FAM222B: variants seen among roughly 807,000 people sequenced by gnomAD.
The protein encoded by FAM222B is family with sequence similarity 222 member B, also known as protein FAM222B.
FAM222B carries 12 observed loss-of-function variants against 38.0 expected under a neutral mutation model. That is an observed-to-expected ratio of 0.32 (90% CI 0.20 to 0.51). The LOEUF (loss-of-function observed/expected upper bound fraction) is 0.51, where lower values mean the gene tolerates loss of function less well. FAM222B is among the 20% of genes least tolerant of loss of function. FAM222B has a pLI of 0.97. For synonymous variants in FAM222B, 329 were observed against 317.2 expected (o/e 1.04, Z -0.40); for missense variants, 716 against 754.2 (o/e 0.95, Z 0.59).
At position 28,830,310 on chromosome 17, in the gene FAM222B, C is replaced by T. The variant is rs571109098; in HGVS notation, c.-41+12372G>A. ...CCAAGCAGCTGGGACTACAGGTGCC[C>T]GCAACCACGCCTGGCTAATTCTTTG... On this transcript the variant is annotated intron_variant, in intron 1 of 2. Transcript: ENST00000581407. Among the ~76,000 whole-genome samples the T allele has an allele frequency of 2.0e-5, 3 of 151,724 alleles. No individual in the cohort carries two copies. The East Asian group carries it at 5.8e-4, about 29-fold the overall frequency.
chr17:28,827,618 T>G (rs1048141709), intron 1 of FAM222B, among the ~76,000 whole-genome samples: 1 of 152,198 alleles, frequency 6.6e-6, no homozygotes, highest in African/African-American at 2.4e-5. Context: ...CAGAAGAAAT[T>G]AACTATGAGC....
At chr17:28,820,848 G>A (rs1353889796) in intron 1 of FAM222B, among the ~76,000 whole-genome samples, 1 of 151,938 alleles carries the variant, frequency 6.6e-6, no homozygotes, top group African/African-American at 2.4e-5. Context: ...ATGTTGGCCA[G>A]GCTGGTTTCA....
At position 28,759,155 on chromosome 17, in the gene FAM222B, G is replaced by A. The variant is rs543204022; in HGVS notation, c.804C>T (p.Ile268=). Residue 268 remains isoleucine (I), a synonymous_variant, in exon 3 of 3, where the codon ATC becomes ATT. Transcript: ENST00000581407. This position sits in a 1 kb window ranked among gnomAD's most constrained non-coding sequence, Gnocchi z 4.8. Reference sequence around the variant, plus strand: ...GGCAAAACTGGTTGATCTGGTGCACGATGCTACTCAGGTCCGGAGGCTGGC... The same window carrying A: ...GGCAAAACTGGTTGATCTGGTGCACAATGCTACTCAGGTCCGGAGGCTGGC... The part of the protein sequence containing the change: ...QHSQPPDLSS[I]VHQINQFCQT... 1.9e-5 allele frequency: 31 copies of A among 1,612,664 alleles called. No individual in the cohort carries two copies. Among genetic ancestry groups the A allele is most frequent in the Admixed American group, 1.2e-4 (7 of 59,752 alleles).
upstream of FAM222B, among the ~76,000 whole-genome samples, chr17:28,844,652 C>T (rs1298181445): frequency 6.6e-6 from 1 of 151,810 alleles, no homozygotes; most frequent in Non-Finnish European, 1.5e-5. Flanking sequence ...AGCGAGACTC[C>T]GTCTCAAAAG....
chr17:28,851,232 TCAAGACCAGCCTGGGC>T (rs539226991), intron 1 of FAM222B, among the ~76,000 whole-genome samples: 5 of 151,270 alleles, frequency 3.3e-5, no homozygotes, highest in South Asian at 4.2e-4. Flanking sequence ...GCCCAGGAGT[TCAAGACCAGCCTGGGC>T]CAAGCCAGGC....
In FAM222B at chr17:28,851,050, T is replaced by A. The variant is rs538207076; in HGVS notation, c.-41+3900A>T. Reference sequence around the variant, plus strand: ...AGAAGAATTGCTTGAACCCAGGAGGTGGAGGTTGCAGTGAGCTGAGATCGC... The same window carrying A: ...AGAAGAATTGCTTGAACCCAGGAGGAGGAGGTTGCAGTGAGCTGAGATCGC... On this transcript the variant is annotated intron_variant, in intron 1 of 2. Coordinates refer to the FAM222B transcript ENST00000577513. 4.1e-4 allele frequency among the ~76,000 whole-genome samples: 62 copies of A among 150,872 alleles called. 1 individual carries two copies. The highest frequency in any genetic ancestry group is 5.9e-4 in the Non-Finnish European group (40 of 67,698).
In FAM222B at chr17:28,784,457, A is replaced by G. The variant is rs1386094620; in HGVS notation, c.-40-17750T>C. ...CACCTGTGAATATCCACTGTACTCCAGCCTGGGCAACAACAGAGTAAGATC... is the reference window on the plus strand; with the variant it reads ...CACCTGTGAATATCCACTGTACTCCGGCCTGGGCAACAACAGAGTAAGATC... On this transcript the variant is annotated intron_variant, in intron 1 of 2. Coordinates refer to ENST00000581407, the MANE Select transcript of FAM222B (RefSeq NM_001077498.3). Among the ~76,000 whole-genome samples, 3 of 130,332 alleles carry G rather than the reference A, an allele frequency of 2.3e-5. No individual in the cohort carries two copies. In the Admixed American group the frequency reaches 2.7e-4, roughly 12 times the overall value. 85.5% of individuals were successfully genotyped at this position (130,332 alleles called of 152,430 possible). A position where few individuals can be genotyped will look rare whatever the true frequency, so the allele number is the denominator to read the frequency against.
intron 1 of FAM222B, among the ~76,000 whole-genome samples, chr17:28,772,624 C>T (rs947818650): frequency 6.6e-6 from 1 of 151,212 alleles, no homozygotes; most frequent in Non-Finnish European, 1.5e-5. Context: ...GGGCCACACG[C>T]GGTGGCTCAT....
intron 1 of FAM222B, among the ~76,000 whole-genome samples, chr17:28,821,265 A>T (rs2038209903): frequency 6.6e-6 from 1 of 152,104 alleles, no homozygotes; most frequent in African/African-American, 2.4e-5. Context: ...AACTCTAATA[A>T]TATGAACATT....
intron 1 of FAM222B, among the ~76,000 whole-genome samples, chr17:28,781,172 C>A (rs1453357910): frequency 1.3e-5 from 2 of 152,036 alleles, no homozygotes. Flanking sequence ...GTGGCTCACA[C>A]CTGTAGTCCC....
At chr17:28,789,237 C>T (rs970198225) in intron 1 of FAM222B, among the ~76,000 whole-genome samples, 1 of 148,408 alleles carries the variant, frequency 6.7e-6, no homozygotes, top group Admixed American at 6.8e-5. Context: ...CGCTCTGTTA[C>T]GCAGGCTGGA....
chr17:28,759,228 A>G lies in FAM222B; in HGVS notation c.731T>C (p.Val244Ala). ...TGAAAGGGGGATAGTTGAGGTAGAC[A>G]CGGTCACATTCGGGGGGGCATCTGA... The part of the protein sequence containing the change: ...PDSDAPPNVT[V>A]STSTIPLSMA... The change falls in exon 3 of 3, where the codon GTG (valine) becomes GCG (alanine). Residue 244 changes from valine (V) to alanine (A), a missense_variant. Transcript: ENST00000581407. This position sits in a 1 kb window ranked among gnomAD's most constrained non-coding sequence, Gnocchi z 4.8. 6.2e-7 allele frequency: 1 copy of G among 1,613,664 alleles called. No homozygotes were observed. The highest frequency in any genetic ancestry group is 8.5e-7 in the Non-Finnish European group (1 of 1,179,810).
intron 1 of FAM222B, among the ~76,000 whole-genome samples, chr17:28,826,042 G>A (rs984391097): frequency 6.6e-6 from 1 of 151,362 alleles, no homozygotes; most frequent in Non-Finnish European, 1.5e-5. Flanking sequence ...CCAAAGTGCT[G>A]GGATTACCGT....
chr17:28,823,865 C>T (rs1166671640), intron 1 of FAM222B, among the ~76,000 whole-genome samples: 3 of 151,242 alleles, frequency 2.0e-5, no homozygotes, highest in African/African-American at 7.3e-5. Flanking sequence ...CTTGGCAGGA[C>T]CAAAAGAGAA....
chr17:28,795,229 G>A lies in FAM222B; in HGVS notation c.-40-28522C>T, dbSNP rs372426628. 3.6e-4 allele frequency among the ~76,000 whole-genome samples: 55 copies of A among 152,078 alleles called. 1 individual carries two copies. Among genetic ancestry groups the A allele is most frequent in the African/African-American group, 1.2e-3 (49 of 41,488 alleles). ...GTACAGTGATGGGATCTCATATCAC[G>A]GCAACCTCCACTTCAAGCGATTCTC... On this transcript the variant is annotated intron_variant, in intron 1 of 2. Coordinates refer to ENST00000581407, the MANE Select transcript of FAM222B (RefSeq NM_001077498.3).
At position 28,827,516 on chromosome 17, in the gene FAM222B, A is replaced by G. The variant is rs542121564; in HGVS notation, c.-41+15166T>C. ...TGTCATTTAAACAATGTAAAAAATA[A>G]TAATAAAGGTAATGTTAGCAGGATA... is the stretch of plus-strand genomic sequence containing the variant. On this transcript the variant is annotated intron_variant, in intron 1 of 2. Coordinates refer to ENST00000581407, the MANE Select transcript of FAM222B (RefSeq NM_001077498.3). 3.3e-5 allele frequency among the ~76,000 whole-genome samples: 5 copies of G among 152,334 alleles called. 1 individual carries two copies. The South Asian group carries it at 1.0e-3, about 32-fold the overall frequency.
At chr17:28,826,447 G>A (rs1054335314) in intron 1 of FAM222B, among the ~76,000 whole-genome samples, 38 of 152,024 alleles carry the variant, frequency 2.5e-4, no homozygotes, top group African/African-American at 8.2e-4. Flanking sequence ...TTGGGAGGCC[G>A]AGGCCAGTGG....
Position 28,815,487 on chromosome 17 carries a change from T to A in FAM222B, c.-41+27195A>T, listed in dbSNP as rs368010796. ...ACTCGGCTTCCCAAAGTGCTGGGAT[T>A]ACAGGCGTGAGCCACCGTGCCCGGC... On this transcript the variant is annotated intron_variant, in intron 1 of 2. Transcript: ENST00000581407. Among the ~76,000 whole-genome samples the A allele has an allele frequency of 7.2e-5, 11 of 152,126 alleles. No individual in the cohort carries two copies. In the East Asian group the frequency reaches 1.6e-3, roughly 21 times the overall value.
intron 1 of FAM222B, among the ~76,000 whole-genome samples, chr17:28,778,294 T>C (rs1052274910): frequency 1.3e-5 from 2 of 151,896 alleles, no homozygotes; most frequent in African/African-American, 2.4e-5. Flanking sequence ...TGTTCCCCTA[T>C]GTCCATGTGT....
Sources: gnomAD v4.1 joint callset for allele counts (sites outside exome capture counted in the v4.1 genomes callset) on GRCh38, gnomAD v4.1.1 for gene constraint, Gnocchi (gnomAD v3.1) non-coding constraint, MANE v1.5 for transcripts, NCBI Gene and HGNC (gene_info 2026-07-23, HGNC 2026-07-21) for gene names.